Variants in NTMT1 observed in about 807,000 individuals in gnomAD.
NTMT1 encodes the protein N-terminal RCC1 methyltransferase.
NTMT1 carries 8 observed loss-of-function variants against 17.5 expected under a neutral mutation model. The observed-to-expected ratio is 0.46, with a 90% CI of 0.27 to 0.82. The LOEUF (loss-of-function observed/expected upper bound fraction) is 0.82. Ranked by LOEUF, NTMT1 falls within the 40% of genes least tolerant of loss-of-function variation. NTMT1 has a pLI of 0.15. For synonymous variants in NTMT1, 128 were observed against 126.8 expected, an observed-to-expected ratio of 1.01 and a Z score of -0.06; for missense variants, 221 against 303.5, an observed-to-expected ratio of 0.73 and a Z score of 2.02.
upstream of NTMT1, among the ~76,000 whole-genome samples, chr9:129,624,892 T>A (rs1830844261): frequency 6.6e-6 from 1 of 152,198 alleles, no homozygotes; most frequent in Non-Finnish European, 1.5e-5. Flanking sequence ...CCTCCCAAAA[T>A]GCTGGGATTA....
At chr9:129,622,978 G>A (rs1320750728), upstream of NTMT1, among the ~76,000 whole-genome samples, 2 of 151,666 alleles carry the variant, frequency 1.3e-5, no homozygotes, top group East Asian at 1.9e-4. Flanking sequence ...GCAGTGAGCC[G>A]AGATCACGCC....
At position 129,620,056 on chromosome 9, in the gene NTMT1, CG is replaced by C; in HGVS notation, c.-55+10882del. Reference sequence around the variant, plus strand: ...ACTCGGGCCCGCCCCCCGGGCCCCGCGGGGCCTCACTCAGTGGCTCCGGCTC... The same window carrying C: ...ACTCGGGCCCGCCCCCCGGGCCCCGCGGGCCTCACTCAGTGGCTCCGGCTC... On this transcript the variant is annotated intron_variant, in intron 1 of 3. Transcript: ENST00000372486. The surrounding 1 kb of genome is among the most constrained non-coding windows in gnomAD (Gnocchi z 5.8). The C allele has an allele frequency of 6.9e-7, 1 of 1,453,956 alleles. No individual in the cohort carries two copies. Among genetic ancestry groups the C allele is most frequent in the South Asian group, 1.5e-5 (1 of 68,326 alleles). The allele number at this position is 1,453,956 out of a possible 1,614,324, so 90.1% of individuals were successfully genotyped here.
intron 1 of NTMT1, among the ~76,000 whole-genome samples, chr9:129,615,169 G>A (rs78418238): frequency 0.013 from 1,935 of 152,348 alleles, 44 homozygotes; most frequent in African/African-American, 0.041. Context: ...AGGGGAGCAA[G>A]TGTGGGCTCT....
chr9:129,627,604 TACACAGCA>T (rs1830961274), intron 1 of NTMT1, among the ~76,000 whole-genome samples: 4 of 152,244 alleles, frequency 2.6e-5, no homozygotes, highest in South Asian at 2.1e-4. Flanking sequence ...TGTCTGTGCT[TACACAGCA>T]GGTGTGCAGA....
At chr9:129,633,055 C>T (rs769083352) in intron 2 of NTMT1, 190 bp downstream of exon 2, 3 of 578,724 alleles carry the variant, frequency 5.2e-6, no homozygotes, top group Non-Finnish European at 9.0e-6. Flanking sequence ...TGGACTTAGC[C>T]TCAGGGTTAC....
chr9:129,617,638 A>T (rs1830456463), intron 1 of NTMT1, among the ~76,000 whole-genome samples: 2 of 151,966 alleles, frequency 1.3e-5, no homozygotes, highest in African/African-American at 4.8e-5. Flanking sequence ...ATTTGGCCTG[A>T]TTGGTTGAAC....
At chr9:129,632,888 C>G (rs1050468243) in intron 2 of NTMT1, 23 bp downstream of exon 2, 3 of 1,608,646 alleles carry the variant, frequency 1.9e-6, no homozygotes, top group Middle Eastern at 1.7e-4. Context: ...GGCGTGCTCT[C>G]CAGGAGAGGC....
rs1308760254 is a variant in NTMT1, at chr9:129,634,398, G to A, written c.415+92G>A. 5 of 1,455,148 alleles carry A rather than the reference G, an allele frequency of 3.4e-6. No homozygotes were observed. The East Asian group carries it at 6.9e-5, about 20-fold the overall frequency. The allele number at this position is 1,455,148 out of a possible 1,614,324, so 90.1% of individuals were successfully genotyped here. On this transcript the variant is annotated intron_variant, in intron 3 of 3. Transcript: ENST00000372483. ...GTCAGGACCAGGGCTTTGCACTCCT[G>A]CAGCAAGTGGGCCAGTGAGGATTCC... is the stretch of plus-strand genomic sequence containing the variant.
chr9:129,609,715 C>T (rs1483949707), intron 1 of NTMT1, among the ~76,000 whole-genome samples: 2 of 152,148 alleles, frequency 1.3e-5, no homozygotes, highest in African/African-American at 4.8e-5. Context: ...GGTCCATCCC[C>T]TGAATGCCTC....
chr9:129,613,739 G>T lies in NTMT1; in HGVS notation c.-55+4561G>T. On this transcript the variant is annotated intron_variant, in intron 1 of 3. Transcript: ENST00000372486. This position sits in a 1 kb window ranked among gnomAD's most constrained non-coding sequence, Gnocchi z 6.2. ...CCAGGCTCCCCAGCGCCTTCTGGCT[G>T]CCTCCAGAGAAGCCTTGGGTTTTAA... is the stretch of plus-strand genomic sequence containing the variant. 2 of 1,046,338 alleles carry T rather than the reference G, an allele frequency of 1.9e-6. No homozygotes were observed. Among genetic ancestry groups the T allele is most frequent in the Non-Finnish European group, 2.7e-6 (2 of 727,792 alleles). 64.8% of individuals were successfully genotyped at this position (1,046,338 alleles called of 1,614,324 possible).
rs368047969 is a variant in NTMT1 at position 129,613,478 on chromosome 9, C to T, written c.-55+4300C>T. 6.3e-5 allele frequency: 102 copies of T among 1,614,032 alleles called. No individual in the cohort carries two copies. Among genetic ancestry groups the T allele is most frequent in the Non-Finnish European group, 8.4e-5 (99 of 1,180,036 alleles). ...CACGAGGAGCTGGCCAGGGTCTCCT[C>T]CTTGGCCCCAGGGTACAGGGCTTTG... On this transcript the variant is annotated intron_variant, in intron 1 of 3. Coordinates refer to the NTMT1 transcript ENST00000372486. This position sits in a 1 kb window ranked among gnomAD's most constrained non-coding sequence, Gnocchi z 6.2.
Position 129,620,405 on chromosome 9 carries a change from C to T in NTMT1, c.-55+11227C>T. On this transcript the variant is annotated intron_variant, in intron 1 of 3. Coordinates refer to the NTMT1 transcript ENST00000372486. This position sits in a 1 kb window ranked among gnomAD's most constrained non-coding sequence, Gnocchi z 5.8. The stretch of plus-strand genomic sequence containing the variant: ...CCCTTCCGGCCACCACGCGGCGCCG[C>T]CCCCCGGGATCCTCCAGTCCCCGGA... 3.2e-6 allele frequency: 4 copies of T among 1,237,062 alleles called. No homozygotes were observed. Among genetic ancestry groups the T allele is most frequent in the Non-Finnish European group, 3.0e-6 (3 of 990,780 alleles). 76.6% of individuals were successfully genotyped at this position (1,237,062 alleles called of 1,614,324 possible). A position where few individuals can be genotyped will look rare whatever the true frequency, so the allele number is the denominator to read the frequency against.
In NTMT1 at chr9:129,634,194, G is replaced by A; in HGVS notation, c.303G>A (p.Lys101=). The change falls in exon 3 of 4, where the codon AAG becomes AAA. Residue 101 remains lysine, a synonymous_variant. Coordinates refer to ENST00000372483, the MANE Select transcript of NTMT1 (RefSeq NM_014064.4). ...CGGAGGACTTCCTGGTTCAAGCCAA[G>A]ACCTACCTGGGGGAGGAGGGCAAGA... ...DITEDFLVQA[K]TYLGEEGKRV... is the part of the protein sequence containing the mutation. 3.7e-6 allele frequency: 6 copies of A among 1,614,186 alleles called. No homozygotes were observed. The highest frequency in any genetic ancestry group is 1.1e-5 in the South Asian group (1 of 91,080).
chr9:129,635,626 A>G lies in NTMT1; in HGVS notation c.*162A>G. On this transcript the variant is annotated 3_prime_UTR_variant, in exon 4 of 4. Transcript: ENST00000372483. ...TATGCGGGCTCTTCTTCAAAAGGCA[A>G]GGTGGGACCCGGCGGGGAGGGTGCT... 1.1e-6 allele frequency: 1 copy of G among 900,594 alleles called. No individual in the cohort carries two copies. The highest frequency in any genetic ancestry group is 1.7e-5 in the African/African-American group (1 of 60,286). 55.8% of individuals were successfully genotyped at this position (900,594 alleles called of 1,614,324 possible).
Position 129,629,511 on chromosome 9 carries a change from C to T in NTMT1, c.-54-3139C>T, listed in dbSNP as rs528571797. On this transcript the variant is annotated intron_variant, in intron 1 of 3. Coordinates refer to ENST00000372483, the MANE Select transcript of NTMT1 (RefSeq NM_014064.4). Reference sequence around the variant, plus strand: ...GCTCAAGTGATCCTCCCACCTCAGTCTCCCTAGTAGCTACTAGAATGTGTG... The same window carrying T: ...GCTCAAGTGATCCTCCCACCTCAGTTTCCCTAGTAGCTACTAGAATGTGTG... Among the ~76,000 whole-genome samples the T allele has an allele frequency of 2.6e-5, 4 of 152,308 alleles. No individual in the cohort carries two copies. The East Asian group carries it at 7.7e-4, about 29-fold the overall frequency.
chr9:129,624,659 C>T (rs1830838871), upstream of NTMT1, among the ~76,000 whole-genome samples: 1 of 152,164 alleles, frequency 6.6e-6, no homozygotes, highest in African/African-American at 2.4e-5. Context: ...GACAGAGTTT[C>T]GTTCTTGTCA....
chr9:129,634,196 C>G lies in NTMT1; in HGVS notation c.305C>G (p.Thr102Ser). Residue 102 changes from threonine to serine, a missense_variant, in exon 3 of 4, where the codon ACC (threonine) becomes AGC (serine). By Grantham distance (58) the Thr-to-Ser change is moderately conservative. Transcript: ENST00000372483. ...ITEDFLVQAK[T>S]YLGEEGKRVR... ...GAGGACTTCCTGGTTCAAGCCAAGA[C>G]CTACCTGGGGGAGGAGGGCAAGAGG... 2 of 1,614,200 alleles carry G rather than the reference C, an allele frequency of 1.2e-6. No homozygotes were observed. Among genetic ancestry groups the G allele is most frequent in the South Asian group, 2.2e-5 (2 of 91,084 alleles).
At chr9:129,617,496 A>G (rs1311681577) in intron 1 of NTMT1, among the ~76,000 whole-genome samples, 3 of 152,194 alleles carry the variant, frequency 2.0e-5, no homozygotes, top group African/African-American at 7.2e-5. Flanking sequence ...AATCTCACAC[A>G]CAGTAAGGTG....
chr9:129,616,509 C>T (rs1032499416), intron 1 of NTMT1, among the ~76,000 whole-genome samples: 28 of 152,312 alleles, frequency 1.8e-4, no homozygotes, highest in South Asian at 6.2e-4. Context: ...AGCCACCGCC[C>T]GCCCGCCTGC....
Sources: allele counts gnomAD v4.1 joint callset (sites outside exome capture counted in the v4.1 genomes callset), GRCh38; gene constraint gnomAD v4.1.1; non-coding constraint Gnocchi (gnomAD v3.1); transcripts MANE v1.5; gene names NCBI Gene and HGNC (gene_info 2026-07-23, HGNC 2026-07-21).